IFI16: variants seen among roughly 807,000 people sequenced by gnomAD.
IFI16 encodes the protein interferon gamma inducible protein 16.
IFI16 carries 49 observed loss-of-function variants against 68.4 expected under a neutral mutation model. The ratio of observed to expected loss-of-function variants is 0.72; its 90% CI spans 0.57 to 0.91. The LOEUF (loss-of-function observed/expected upper bound fraction) is 0.91. Ranked by LOEUF, IFI16 falls within the 40% of genes least tolerant of loss-of-function variation. The probability of loss-of-function intolerance (pLI) is 0.00; values close to 1 mark genes in which losing one functional copy is unlikely to be tolerated. For synonymous variants in IFI16, 307 were observed against 315.0 expected (o/e 0.97, Z 0.27); for missense variants, 878 against 942.9 (o/e 0.93, Z 0.90).
intron 6 of IFI16, among the ~76,000 whole-genome samples, chr1:159,026,830 C>G (rs12061402): frequency 0.32 from 49,103 of 151,802 alleles, 10,984 homozygotes; most frequent in African/African-American, 0.64. Flanking sequence ...GGTTGCTGGC[C>G]GTGTATAGCA....
At chr1:159,009,018 A>G (rs963410219), upstream of IFI16, 2 of 152,186 alleles carry the variant, frequency 1.3e-5, no homozygotes, top group Non-Finnish European at 2.9e-5. Context: ...CTGGGGTTAC[A>G]GCACGCTAAA....
chr1:159,015,921 T>G lies in IFI16; in HGVS notation c.315T>G (p.Thr105=). 2 of 1,614,156 alleles carry G rather than the reference T, an allele frequency of 1.2e-6. No individual in the cohort carries two copies. The highest frequency in any genetic ancestry group is 1.7e-6 in the Non-Finnish European group (2 of 1,179,980). Reference sequence around the variant, plus strand: ...AGAGGAAGAAGGAAGTGGATGCTACTTCACCTGCACCCTCCACAAGCAGCA... The same window carrying G: ...AGAGGAAGAAGGAAGTGGATGCTACGTCACCTGCACCCTCCACAAGCAGCA... The part of the protein sequence containing the change: ...SRKRKKEVDA[T]SPAPSTSSTV... Residue 105 remains threonine (T), a synonymous_variant, in exon 3 of 12, where the codon ACT becomes ACG. Transcript: ENST00000295809.
chr1:159,038,873 G>A (rs1181375780), intron 7 of IFI16, among the ~76,000 whole-genome samples: 1 of 152,110 alleles, frequency 6.6e-6, no homozygotes, highest in African/African-American at 2.4e-5. Context: ...ACAGAATCCC[G>A]CCCCTGGAAC....
chr1:159,042,580 C>A (rs1262748212), intron 7 of IFI16, among the ~76,000 whole-genome samples: 2 of 152,118 alleles, frequency 1.3e-5, no homozygotes, highest in Admixed American at 6.6e-5. Flanking sequence ...CCACAAGGTA[C>A]CAGTCTAATC....
At chr1:159,003,596 G>C (rs555565617), upstream of IFI16, among the ~76,000 whole-genome samples, 13 of 152,034 alleles carry the variant, frequency 8.6e-5, no homozygotes, top group African/African-American at 3.1e-4. Flanking sequence ...AAAAGACCAA[G>C]GCGATAGGTA....
At position 159,053,591 on chromosome 1, in the gene IFI16, A is replaced by C. The variant is rs935338832; in HGVS notation, c.2144A>C (p.Glu715Ala). 25 of 1,613,442 alleles carry C rather than the reference A, an allele frequency of 1.5e-5. No individual in the cohort carries two copies. Among genetic ancestry groups the C allele is most frequent in the Non-Finnish European group, 2.1e-5 (25 of 1,179,494 alleles). The change falls in exon 11 of 12, where the codon GAA becomes GCA. Residue 715 changes from glutamate to alanine, a missense_variant. By Grantham distance (107) the Glu-to-Ala change is moderately radical. This residue lies in a region of IFI16 where 311 missense variants were observed against 305.1 expected (regional missense o/e 1.02). Transcript: ENST00000295809. ...ATACAAGATAATACAGGGAAGATGG[A>C]AGTGGTGGTGCATGGACGACTGACC... The part of the protein sequence containing the change: ...YEIQDNTGKM[E>A]VVVHGRLTTI...
chr1:159,006,805 C>T (rs887556900), upstream of IFI16, among the ~76,000 whole-genome samples: 1 of 151,982 alleles, frequency 6.6e-6, no homozygotes, highest in Non-Finnish European at 1.5e-5. Context: ...TACATTCACC[C>T]TTGGTGCAAG....
At chr1:159,046,407 G>A (rs557934501) in intron 8 of IFI16, among the ~76,000 whole-genome samples, 4 of 151,196 alleles carry the variant, frequency 2.6e-5, no homozygotes, top group Admixed American at 1.3e-4. Flanking sequence ...GTTATTCCTG[G>A]TTTTGATTTG....
At chr1:159,049,270 G>A (rs1361838095) in intron 8 of IFI16, among the ~76,000 whole-genome samples, 162 bp from the exon 9 acceptor site, 1 of 144,580 alleles carries the variant, frequency 6.9e-6, no homozygotes, top group Non-Finnish European at 1.5e-5. Flanking sequence ...AGTGATAGAA[G>A]TATCTGAATA....
intron 7 of IFI16, among the ~76,000 whole-genome samples, chr1:159,036,294 A>T (rs1654327663): frequency 6.6e-6 from 1 of 152,226 alleles, no homozygotes; most frequent in African/African-American, 2.4e-5. Flanking sequence ...ATACAGTTTT[A>T]AAATATTTCT....
chr1:159,020,573 G>T (rs1336467544), intron 6 of IFI16, 44 bp downstream of exon 6: 3 of 1,467,404 alleles, frequency 2.0e-6, no homozygotes, highest in South Asian at 2.4e-5. Flanking sequence ...AAGTGGAAAT[G>T]ATTTGCTTTA....
chr1:159,032,562 G>T lies in IFI16; in HGVS notation c.1200G>T (p.Lys400Asn). ...CAAACCCGAGAAACAATGACCCCAA[G>T]AGCATGAAGCTACCCCAGGAACAGC... ...KKTNPRNNDP[K>N]SMKLPQEQRQ... Residue 400 changes from lysine to asparagine, a missense_variant, in exon 7 of 12, where the codon AAG becomes AAT. Lys to Asn is a moderately conservative substitution (Grantham distance 94, BLOSUM62 0). Transcript: ENST00000295809. The T allele has an allele frequency of 6.2e-7, 1 of 1,609,288 alleles. No homozygotes were observed. Among genetic ancestry groups the T allele is most frequent in the South Asian group, 1.1e-5 (1 of 90,608 alleles).
rs906155613 is a variant in IFI16, at chr1:159,049,514, T to G, written c.1580T>G (p.Phe527Cys). 2.5e-6 allele frequency: 4 copies of G among 1,603,390 alleles called. No homozygotes were observed. The African/African-American group carries it at 5.4e-5, about 22-fold the overall frequency. Residue 527 changes from phenylalanine to cysteine, a missense_variant, in exon 9 of 12, where the codon TTC becomes TGC. This residue lies in a region of IFI16 where 59 missense variants were observed against 119.0 expected (regional missense o/e 0.50). Transcript: ENST00000295809. ...LKEGSHFPGP[F>C]MTSIGPAESH... ...GAAGGGAGTCATTTTCCAGGACCGT[T>G]CATGACCAGCATAGGCCCAGCTGAG...
At chr1:159,033,490 T>G (rs889861386) in intron 7 of IFI16, among the ~76,000 whole-genome samples, 2 of 152,214 alleles carry the variant, frequency 1.3e-5, no homozygotes, top group African/African-American at 2.4e-5. Context: ...TAACTAGACG[T>G]TGGTTCTTAC....
intron 7 of IFI16, among the ~76,000 whole-genome samples, chr1:159,043,459 C>G (rs1278437378): frequency 1.3e-5 from 2 of 152,198 alleles, no homozygotes; most frequent in African/African-American, 4.8e-5. Context: ...GACTCATCCA[C>G]CTAAACATAC....
At chr1:159,017,743 G>C (rs748255996) in intron 4 of IFI16, among the ~76,000 whole-genome samples, 2 of 152,060 alleles carry the variant, frequency 1.3e-5, no homozygotes, top group Non-Finnish European at 2.9e-5. Flanking sequence ...AGGTAGCTGG[G>C]ATTACAAGCG....
At chr1:159,052,400 A>G (rs745843649) in intron 10 of IFI16, 4 of 282,870 alleles carry the variant, frequency 1.4e-5, no homozygotes, top group South Asian at 7.0e-5. Flanking sequence ...TGCAGAGTTT[A>G]TATCAACACA....
intron 7 of IFI16, among the ~76,000 whole-genome samples, chr1:159,038,531 A>G (rs1654449184): frequency 6.6e-6 from 1 of 152,020 alleles, no homozygotes; most frequent in South Asian, 2.1e-4. Flanking sequence ...GGCCTGGCTA[A>G]TTTTTTAAAA....
intron 4 of IFI16, among the ~76,000 whole-genome samples, chr1:159,016,957 T>C (rs997570287): frequency 3.9e-5 from 6 of 152,208 alleles, no homozygotes; most frequent in African/African-American, 1.2e-4. Flanking sequence ...CTGTCAGCTG[T>C]GGGCTCACTG....
Sources: gnomAD v4.1 joint callset for allele counts (sites outside exome capture counted in the v4.1 genomes callset) on GRCh38, gnomAD v4.1.1 for gene constraint, gnomAD v4.1.1 regional missense constraint, MANE v1.5 for transcripts, NCBI Gene and HGNC (gene_info 2026-07-23, HGNC 2026-07-21) for gene names.